GBF1: variants seen among roughly 807,000 people sequenced by gnomAD.
The protein encoded by GBF1 is golgi brefeldin A resistant guanine nucleotide exchange factor 1, also known as Golgi-specific brefeldin A-resistance guanine nucleotide exchange factor 1.
In GBF1, 114 loss-of-function variants were observed where a neutral mutation model predicts 210.5. The ratio of observed to expected loss-of-function variants is 0.54; its 90% CI spans 0.47 to 0.63. The LOEUF (loss-of-function observed/expected upper bound fraction) is 0.63, where lower values mean the gene tolerates loss of function less well. GBF1 is among the 30% of genes least tolerant of loss of function. The probability of loss-of-function intolerance (pLI) is 0.00; values close to 1 mark genes in which losing one functional copy is unlikely to be tolerated. For missense variants in GBF1, 1,851 were observed against 2,357.7 expected, an observed-to-expected ratio of 0.79 and a Z score of 4.45; for synonymous variants, 850 against 889.2, an observed-to-expected ratio of 0.96 and a Z score of 0.78.
intron 3 of GBF1, among the ~76,000 whole-genome samples, chr10:102,301,870 G>T (rs545460733): frequency 6.6e-6 from 1 of 152,204 alleles, no homozygotes; most frequent in African/African-American, 2.4e-5. Context: ...GGTGGCGGCC[G>T]GGCAGAGGCT....
intron 1 of GBF1, among the ~76,000 whole-genome samples, chr10:102,250,359 C>G (rs1459536679): frequency 6.6e-6 from 1 of 152,020 alleles, no homozygotes; most frequent in African/African-American, 2.4e-5. Flanking sequence ...CCACGCCTGC[C>G]TGATTTTTGT....
chr10:102,351,156 A>C (rs540014786), intron 4 of GBF1, 100 bp from the exon 5 acceptor site: 1 of 695,384 alleles, frequency 1.4e-6, no homozygotes, highest in African/African-American at 1.8e-5. Flanking sequence ...GGGTTAGGGA[A>C]CTGAAGAGGA....
intron 3 of GBF1, among the ~76,000 whole-genome samples, chr10:102,274,422 CT>C (rs2074727040): frequency 6.6e-6 from 1 of 151,706 alleles, no homozygotes. Context: ...CCTTGAATGT[CT>C]TATAGTTGAT....
chr10:102,286,618 T>A (rs1352371422), intron 3 of GBF1, among the ~76,000 whole-genome samples: 5 of 152,202 alleles, frequency 3.3e-5, no homozygotes, highest in Non-Finnish European at 1.5e-5. Context: ...AAATCCCCCC[T>A]CTTTTTCCTG....
At position 102,260,116 on chromosome 10, in the gene GBF1, G is replaced by A; in HGVS notation, c.163G>A (p.Glu55Lys). The change falls in exon 3 of 40, where the codon GAA becomes AAA. Residue 55 changes from glutamate to lysine, a missense_variant and splice_region_variant. Coordinates refer to ENST00000369983, the MANE Select transcript of GBF1 (RefSeq NM_001377137.1). ...AAAGGAGGTTTTAAACAGTATAACAGGTAAGTCTCCATATGTATGTGGATT... is the reference window on the plus strand; with the variant it reads ...AAAGGAGGTTTTAAACAGTATAACAAGTAAGTCTCCATATGTATGTGGATT... Reference protein sequence around the residue: ...HLKEVLNSITELSEIEPNVFL... With the variant: ...HLKEVLNSITKLSEIEPNVFL... The A allele has an allele frequency of 6.8e-7, 1 of 1,478,202 alleles. No homozygotes were observed. The highest frequency in any genetic ancestry group is 9.5e-7 in the Non-Finnish European group (1 of 1,057,612). 91.6% of individuals were successfully genotyped at this position (1,478,202 alleles called of 1,614,324 possible). A position where few individuals can be genotyped will look rare whatever the true frequency, so the allele number is the denominator to read the frequency against.
At chr10:102,326,179 C>T (rs1405720115) in intron 3 of GBF1, among the ~76,000 whole-genome samples, 1 of 152,120 alleles carries the variant, frequency 6.6e-6, no homozygotes, top group Non-Finnish European at 1.5e-5. Flanking sequence ...TGCTCAGGGC[C>T]TAGTATGCAA....
intron 3 of GBF1, among the ~76,000 whole-genome samples, chr10:102,311,310 G>A (rs373100856): frequency 1.4e-4 from 21 of 152,340 alleles, no homozygotes; most frequent in African/African-American, 3.1e-4. Flanking sequence ...CCTTAAGAAA[G>A]GCTAACGCGG....
intron 3 of GBF1, among the ~76,000 whole-genome samples, chr10:102,304,917 C>T (rs1409940854): frequency 6.6e-6 from 1 of 150,786 alleles, no homozygotes; most frequent in Non-Finnish European, 1.5e-5. Context: ...AAGCCTGAGA[C>T]AGGAGGATCG....
intron 35 of GBF1, 36 bp downstream of exon 35, chr10:102,379,687 A>T: frequency 6.2e-7 from 1 of 1,612,478 alleles, no homozygotes. Flanking sequence ...TAAAGTTCAA[A>T]TCCTAAGAAA....
At chr10:102,305,842 G>A (rs1236911564) in intron 3 of GBF1, among the ~76,000 whole-genome samples, 1 of 152,204 alleles carries the variant, frequency 6.6e-6, no homozygotes, top group Non-Finnish European at 1.5e-5. Flanking sequence ...TGGGTGCTTT[G>A]TGTAATACAA....
Position 102,363,798 on chromosome 10 carries a change from G to T in GBF1, c.2106G>T (p.Lys702Asn). The T allele has an allele frequency of 6.4e-7, 1 of 1,569,524 alleles. No homozygotes were observed. The highest frequency in any genetic ancestry group is 8.8e-7 in the Non-Finnish European group (1 of 1,139,766). ...RELIEIKNKK[K>N]LLITGTEQFN... is the part of the protein sequence containing the mutation. ...TAATTGAAATTAAAAACAAAAAGAA[G>T]GTACATACATGTATTCCCCAGCCTC... Residue 702 changes from lysine (K) to asparagine (N), a missense_variant and splice_region_variant, in exon 17 of 40, where the codon AAG becomes AAT. Lys to Asn is a moderately conservative substitution (Grantham distance 94). Transcript: ENST00000369983. This position sits in a 1 kb window ranked among gnomAD's most constrained non-coding sequence, Gnocchi z 4.2.
chr10:102,376,333 G>A lies in GBF1; in HGVS notation c.3948G>A (p.Gly1316=). The A allele has an allele frequency of 6.2e-7, 1 of 1,613,736 alleles. No individual in the cohort carries two copies. Among genetic ancestry groups the A allele is most frequent in the Non-Finnish European group, 8.5e-7 (1 of 1,179,806 alleles). The change falls in exon 31 of 40, where the codon GGG becomes GGA. Residue 1316 remains glycine, a synonymous_variant. Transcript: ENST00000369983. ...AGAATGACGTGAGCCTGGATCGAGG[G>A]TACACTTCCGACTCAGAGGTCTACA... The part of the protein sequence containing the change: ...YHQNDVSLDR[G]YTSDSEVYTD...
chr10:102,368,944 C>G lies in GBF1; in HGVS notation c.2973+112C>G, dbSNP rs1396708657. The G allele has an allele frequency of 1.6e-5, 12 of 729,048 alleles. No homozygotes were observed. The East Asian group carries it at 3.0e-4, about 18-fold the overall frequency. The allele number at this position is 729,048 out of a possible 1,614,324, so 45.2% of individuals were successfully genotyped here. The stretch of plus-strand genomic sequence containing the variant: ...TTGCCCTCAGCGTCTTCCCTCACTG[C>G]CCCCACTTGAATATACCAGAGCTTA... On this transcript the variant is annotated intron_variant, in intron 23 of 39. Transcript: ENST00000369983.
Position 102,376,970 on chromosome 10 carries a change from A to C in GBF1, c.4324A>C (p.Lys1442Gln), listed in dbSNP as rs2060537793. ...CCAGGAGAAACGTGGCAAGAGTCAC[A>C]AATATGACAGCAAAGGGAACCGCTT... is the stretch of plus-strand genomic sequence containing the variant. ...KSQEKRGKSH[K>Q]YDSKGNRFKK... The change falls in exon 33 of 40, where the codon AAA becomes CAA. Residue 1442 changes from lysine to glutamine, a missense_variant. Transcript: ENST00000369983. 1 of 1,614,106 alleles carries C rather than the reference A, an allele frequency of 6.2e-7. No homozygotes were observed. Among genetic ancestry groups the C allele is most frequent in the Non-Finnish European group, 8.5e-7 (1 of 1,180,052 alleles).
At chr10:102,324,081 C>A (rs2056682849) in intron 3 of GBF1, among the ~76,000 whole-genome samples, 1 of 151,972 alleles carries the variant, frequency 6.6e-6, no homozygotes, top group South Asian at 2.1e-4. Flanking sequence ...CTTTTTTTCA[C>A]AAAATACTTC....
chr10:102,272,690 C>A (rs1339579011), intron 3 of GBF1, among the ~76,000 whole-genome samples: 1 of 151,952 alleles, frequency 6.6e-6, no homozygotes, highest in African/African-American at 2.4e-5. Flanking sequence ...AACTATTTTC[C>A]CTCATCAACT....
At chr10:102,322,907 A>G (rs1368459794) in intron 3 of GBF1, among the ~76,000 whole-genome samples, 4 of 151,990 alleles carry the variant, frequency 2.6e-5, no homozygotes, top group African/African-American at 9.7e-5. Context: ...ACAGAGCAAG[A>G]CTGTCTCAAA....
intron 3 of GBF1, among the ~76,000 whole-genome samples, chr10:102,297,344 A>T (rs1286586406): frequency 1.3e-5 from 2 of 152,228 alleles, no homozygotes; most frequent in African/African-American, 4.8e-5. Context: ...CTGTACAGTT[A>T]TCACTAGACT....
intron 3 of GBF1, among the ~76,000 whole-genome samples, chr10:102,301,727 C>G (rs1416821377): frequency 2.6e-5 from 4 of 151,976 alleles, no homozygotes; most frequent in Non-Finnish European, 4.4e-5. Context: ...CAGAGACGCT[C>G]CTCACTTCCT....
Sources: gnomAD v4.1 joint callset for allele counts (sites outside exome capture counted in the v4.1 genomes callset) on GRCh38, gnomAD v4.1.1 for gene constraint, Gnocchi (gnomAD v3.1) non-coding constraint, MANE v1.5 for transcripts, NCBI Gene and HGNC (gene_info 2026-07-23, HGNC 2026-07-21) for gene names.